The following ATP9B variants were observed in gnomAD, a reference collection of about 807,000 sequenced individuals.
ATP9B encodes the protein ATPase phospholipid transporting 9B, also known as probable phospholipid-transporting ATPase IIB.
In ATP9B, 110 loss-of-function variants were observed where a neutral mutation model predicts 146.1. That is an observed-to-expected ratio of 0.75 (90% CI 0.65 to 0.88). The LOEUF (loss-of-function observed/expected upper bound fraction) is 0.88, where lower values mean the gene tolerates loss of function less well. ATP9B is among the 40% of genes least tolerant of loss of function. The pLI is 0.00. For synonymous variants in ATP9B, 604 were observed against 569.7 expected, an observed-to-expected ratio of 1.06 and a Z score of -0.86; for missense variants, 1,499 against 1,496.4, an observed-to-expected ratio of 1.00 and a Z score of -0.03.
At chr18:79,208,106 G>A (rs56374781) in intron 10 of ATP9B, among the ~76,000 whole-genome samples, 9,075 of 152,200 alleles carry the variant, frequency 0.06, 390 homozygotes, top group Non-Finnish European at 0.091. Context: ...TTAGCCGGGC[G>A]TGGTGGCGGG....
intron 15 of ATP9B, among the ~76,000 whole-genome samples, chr18:79,314,486 G>A (rs1015494052): frequency 8.5e-5 from 13 of 152,140 alleles, no homozygotes; most frequent in Non-Finnish European, 1.6e-4. Context: ...GTCCTGTGAG[G>A]CATAAGCAAT....
intron 6 of ATP9B, among the ~76,000 whole-genome samples, chr18:79,151,312 G>A (rs756950113): frequency 1.4e-4 from 22 of 152,148 alleles, no homozygotes; most frequent in African/African-American, 4.6e-4. Context: ...AAAATTTACC[G>A]AGGTGGGAGT....
At chr18:79,297,609 A>G (rs1444838142) in intron 13 of ATP9B, among the ~76,000 whole-genome samples, 2 of 152,254 alleles carry the variant, frequency 1.3e-5, no homozygotes, top group Admixed American at 1.3e-4. Context: ...TTTGTCCTGT[A>G]GCTTAATTTT....
At chr18:79,253,583 T>G (rs1334499215) in intron 12 of ATP9B, 42 bp downstream of exon 12, 1 of 1,521,354 alleles carries the variant, frequency 6.6e-7, no homozygotes, top group Admixed American at 2.2e-5. Context: ...CTGGTTTCAT[T>G]GAGTATGATT....
intron 20 of ATP9B, among the ~76,000 whole-genome samples, chr18:79,343,232 AT>A (rs2096868259): frequency 6.6e-6 from 1 of 152,212 alleles, no homozygotes; most frequent in African/African-American, 2.4e-5. Context: ...CTTCAGATCA[AT>A]TTTTGTTGAC....
intron 11 of ATP9B, among the ~76,000 whole-genome samples, chr18:79,240,830 G>A (rs1362331973): frequency 6.6e-6 from 1 of 152,184 alleles, no homozygotes; most frequent in Non-Finnish European, 1.5e-5. Flanking sequence ...CATACTAGTG[G>A]GCCCTGGGAA....
At chr18:79,310,312 TAAG>T (rs1400698964) in intron 15 of ATP9B, among the ~76,000 whole-genome samples, 2 of 152,218 alleles carry the variant, frequency 1.3e-5, no homozygotes, top group Admixed American at 6.5e-5. Flanking sequence ...TGATTAAAAT[TAAG>T]AAGTCAGAAT....
At chr18:79,253,342 G>A in intron 11 of ATP9B, 39 bp from the exon 12 acceptor site, 1 of 1,569,250 alleles carries the variant, frequency 6.4e-7, no homozygotes, top group Non-Finnish European at 8.6e-7. Context: ...TAGGGACATT[G>A]TGGTTAGCTT....
intron 11 of ATP9B, among the ~76,000 whole-genome samples, chr18:79,229,219 C>T (rs960448340): frequency 1.3e-5 from 2 of 152,124 alleles, no homozygotes; most frequent in Non-Finnish European, 2.9e-5. Flanking sequence ...TAAAACTGCA[C>T]CCTGGGCACT....
At chr18:79,159,344 CT>C (rs2094842820) in intron 7 of ATP9B, among the ~76,000 whole-genome samples, 1 of 152,168 alleles carries the variant, frequency 6.6e-6, no homozygotes, top group Admixed American at 6.6e-5. Flanking sequence ...CCCTGTTACC[CT>C]GCCTGATCAG....
chr18:79,208,157 A>G (rs527478909), intron 10 of ATP9B, among the ~76,000 whole-genome samples: 1 of 152,330 alleles, frequency 6.6e-6, no homozygotes, highest in East Asian at 1.9e-4. Context: ...AGGCAGGAGA[A>G]TGGCGGGAAC....
intron 7 of ATP9B, 97 bp from the exon 8 acceptor site, chr18:79,176,716 A>C: frequency 1.1e-6 from 1 of 942,116 alleles, no homozygotes; most frequent in South Asian, 1.4e-5. Context: ...TCTTTGTCCT[A>C]CTGTGCCCTG....
chr18:79,074,748 C>T (rs1225075678), intron 1 of ATP9B, among the ~76,000 whole-genome samples: 1 of 152,220 alleles, frequency 6.6e-6, no homozygotes, highest in Non-Finnish European at 1.5e-5. Context: ...TTGATTGGCT[C>T]TTGCTTAATT....
At position 79,104,333 on chromosome 18, in the gene ATP9B, G is replaced by T. The variant is rs114229591; in HGVS notation, c.294-6022G>T. Among the ~76,000 whole-genome samples the T allele has an allele frequency of 9.1e-3, 1,389 of 152,254 alleles. 28 individuals carry two copies. Among genetic ancestry groups the T allele is most frequent in the African/African-American group, 0.031 (1,307 of 41,516 alleles). On this transcript the variant is annotated intron_variant, in intron 2 of 29. Coordinates refer to ENST00000426216, the MANE Select transcript of ATP9B (RefSeq NM_198531.5). ...ATGTTCATAGAGGAAGTGGGAACTG[G>T]GCACTGATGGGTGCAGTGCTGGGGA...
At chr18:79,319,274 C>G (rs2096701018) in intron 15 of ATP9B, among the ~76,000 whole-genome samples, 1 of 152,204 alleles carries the variant, frequency 6.6e-6, no homozygotes, top group East Asian at 1.9e-4. Context: ...AAGCTGCCTT[C>G]CAGAAGTGCT....
At chr18:79,194,127 G>C (rs950984634) in intron 9 of ATP9B, among the ~76,000 whole-genome samples, 2 of 152,036 alleles carry the variant, frequency 1.3e-5, no homozygotes, top group African/African-American at 4.8e-5. Context: ...GAGGAAGCAT[G>C]ACCTGGTGAT....
intron 7 of ATP9B, among the ~76,000 whole-genome samples, chr18:79,156,775 C>G (rs1193401807): frequency 6.6e-6 from 1 of 152,198 alleles, no homozygotes; most frequent in Non-Finnish European, 1.5e-5. Flanking sequence ...TAATTCTGCT[C>G]TTCTTAACAA....
intron 15 of ATP9B, among the ~76,000 whole-genome samples, chr18:79,308,481 C>T (rs932283918): frequency 6.6e-6 from 1 of 152,184 alleles, no homozygotes; most frequent in African/African-American, 2.4e-5. Flanking sequence ...GAAGGAGCCA[C>T]GTCTATGATG....
chr18:79,082,141 T>C (rs1297237650), intron 1 of ATP9B, among the ~76,000 whole-genome samples: 2 of 152,252 alleles, frequency 1.3e-5, no homozygotes, highest in Non-Finnish European at 2.9e-5. Context: ...GTCTTCACGC[T>C]TTATTTCATT....
Sources: allele counts gnomAD v4.1 joint callset (sites outside exome capture counted in the v4.1 genomes callset), GRCh38; gene constraint gnomAD v4.1.1; transcripts MANE v1.5; gene names NCBI Gene and HGNC (gene_info 2026-07-23, HGNC 2026-07-21).